Variants in SESN3 observed in about 807,000 individuals in gnomAD.
The protein encoded by SESN3 is sestrin-3.
A neutral mutation model predicts 55.3 loss-of-function variants in SESN3; 21 were observed. That is an observed-to-expected ratio of 0.38 (90% confidence interval 0.27 to 0.55). The LOEUF is 0.55. Ranked by LOEUF, SESN3 falls within the 20% of genes least tolerant of loss-of-function variation. The probability of loss-of-function intolerance (pLI) is 0.76; values close to 1 mark genes in which losing one functional copy is unlikely to be tolerated. For missense variants in SESN3, 408 were observed against 604.3 expected (o/e 0.68, Z 3.41); for synonymous variants, 181 against 203.1 (o/e 0.89, Z 0.93).
intron 3 of SESN3, 86 bp downstream of exon 3, chr11:95,191,318 C>A: frequency 9.8e-7 from 1 of 1,020,352 alleles, no homozygotes. Context: ...TAGCTCTATA[C>A]ACACACAAGG....
Position 95,166,383 on chromosome 11 carries a change from C to A in SESN3, c.*6872G>T, listed in dbSNP as rs1591036828. 1 of 151,982 alleles carries A rather than the reference C, an allele frequency of 6.6e-6. No individual in the cohort carries two copies. Among genetic ancestry groups the A allele is most frequent in the Admixed American group, 6.6e-5 (1 of 15,248 alleles). The allele number at this position is 151,982 out of a possible 1,614,324, so 9.4% of individuals were successfully genotyped here. A position where few individuals can be genotyped will look rare whatever the true frequency, so the allele number is the denominator to read the frequency against. Reference sequence around the variant, plus strand: ...CGCAAATGATAATTCTGTATTAATACTGATGAATTAAAGAGCTATAACAGA... The same window carrying A: ...CGCAAATGATAATTCTGTATTAATAATGATGAATTAAAGAGCTATAACAGA... On this transcript the variant is annotated 3_prime_UTR_variant, in exon 10 of 10. Coordinates refer to ENST00000536441, the MANE Select transcript of SESN3 (RefSeq NM_144665.4).
rs941433099 is a variant in SESN3, at chr11:95,230,889, G to A, written c.-29C>T. ...GGCTGCGGGCGCCGAGGCGAGAGCG[G>A]GCGGAGGGCCGGGTCCGGGCTGTCA... On this transcript the variant is annotated 5_prime_UTR_variant, in exon 1 of 10. Transcript: ENST00000536441. The surrounding 1 kb of genome is among the most constrained non-coding windows in gnomAD (Gnocchi z 4.6). 4 of 1,522,290 alleles carry A rather than the reference G, an allele frequency of 2.6e-6. No homozygotes were observed. The highest frequency in any genetic ancestry group is 5.0e-5 in the East Asian group (2 of 39,678). The allele number at this position is 1,522,290 out of a possible 1,614,324, so 94.3% of individuals were successfully genotyped here.
Position 95,230,728 on chromosome 11 carries a change from G to A in SESN3, c.78+55C>T. ...GCGCGCCCGGGGACGAGCCGCCCGA[G>A]CCCCGGCCGGCAGGAAGCGACCCTC... On this transcript the variant is annotated intron_variant, in intron 1 of 9. Transcript: ENST00000536441. This position sits in a 1 kb window ranked among gnomAD's most constrained non-coding sequence, Gnocchi z 4.6. 4.3e-6 allele frequency: 6 copies of A among 1,403,970 alleles called. 1 individual carries two copies. The highest frequency in any genetic ancestry group is 3.5e-5 in the South Asian group (3 of 84,580). The allele number at this position is 1,403,970 out of a possible 1,614,324, so 87.0% of individuals were successfully genotyped here.
At chr11:95,181,087 A>G (rs1860050670) in intron 6 of SESN3, among the ~76,000 whole-genome samples, 1 of 152,112 alleles carries the variant, frequency 6.6e-6, no homozygotes, top group Non-Finnish European at 1.5e-5. Context: ...TAAACTCTAT[A>G]AAACAGTCTC....
chr11:95,188,084 A>G (rs183391531), intron 4 of SESN3, among the ~76,000 whole-genome samples: 116 of 151,744 alleles, frequency 7.6e-4, no homozygotes, highest in African/African-American at 2.4e-3. Flanking sequence ...AGTCTGTACA[A>G]TCTGTAATTT....
chr11:95,207,981 G>C (rs1195590611), intron 1 of SESN3, among the ~76,000 whole-genome samples: 1 of 150,902 alleles, frequency 6.6e-6, no homozygotes, highest in Non-Finnish European at 1.5e-5. Flanking sequence ...GCTAATTTAT[G>C]TTCTTCATAA....
rs1859872551 is a variant in SESN3, at chr11:95,172,683, CAAAT to C, written c.*568_*571del. 1.3e-5 allele frequency: 2 copies of C among 151,990 alleles called. No homozygotes were observed. Among genetic ancestry groups the C allele is most frequent in the Non-Finnish European group, 2.9e-5 (2 of 67,976 alleles). 9.4% of individuals were successfully genotyped at this position (151,990 alleles called of 1,614,324 possible). A position where few individuals can be genotyped will look rare whatever the true frequency, so the allele number is the denominator to read the frequency against. ...AAACAACAATAAATGAACAAACAAACAAATAAAAAACAGTGCCTGACAAATAATC... is the reference window on the plus strand; with the variant it reads ...AAACAACAATAAATGAACAAACAAACAAAAAACAGTGCCTGACAAATAATC... On this transcript the variant is annotated 3_prime_UTR_variant, in exon 10 of 10. Transcript: ENST00000536441.
chr11:95,208,437 AAAAG>A (rs1387398862), intron 1 of SESN3, among the ~76,000 whole-genome samples: 1 of 151,528 alleles, frequency 6.6e-6, no homozygotes, highest in Non-Finnish European at 1.5e-5. Flanking sequence ...ATTTTTTTCT[AAAAG>A]AAGAGCTGCA....
rs758311619 is a variant in SESN3 at position 95,177,942 on chromosome 11, G to A, written c.1057-33C>T. ...AATAAAATGTATTTAATTACAAAGT[G>A]GGCATTTTCCATCTAAATTCTATGT... On this transcript the variant is annotated intron_variant, in intron 7 of 9. Coordinates refer to ENST00000536441, the MANE Select transcript of SESN3 (RefSeq NM_144665.4). 24 of 1,410,786 alleles carry A rather than the reference G, an allele frequency of 1.7e-5. No individual in the cohort carries two copies. The Admixed American group carries it at 5.0e-4, about 29-fold the overall frequency. 87.4% of individuals were successfully genotyped at this position (1,410,786 alleles called of 1,614,324 possible).
At position 95,172,175 on chromosome 11, in the gene SESN3, T is replaced by C. The variant is rs1176251353; in HGVS notation, c.*1080A>G. The C allele has an allele frequency of 6.6e-6, 1 of 152,166 alleles. No individual in the cohort carries two copies. The highest frequency in any genetic ancestry group is 2.4e-5 in the African/African-American group (1 of 41,450). The allele number at this position is 152,166 out of a possible 1,614,324, so 9.4% of individuals were successfully genotyped here. The stretch of plus-strand genomic sequence containing the variant: ...AACATATTGCACTCTGTTTTTGTAG[T>C]TCAATCACATTAATGCATAGAAACA... On this transcript the variant is annotated 3_prime_UTR_variant, in exon 10 of 10. Coordinates refer to ENST00000536441, the MANE Select transcript of SESN3 (RefSeq NM_144665.4).
rs1015738066 is a variant in SESN3, at chr11:95,191,537, C to T, written c.209G>A (p.Gly70Asp). Residue 70 changes from glycine (G) to aspartate (D), a missense_variant, in exon 3 of 10, where the codon GGT becomes GAT. Transcript: ENST00000536441. Reference sequence around the variant, plus strand: ...GACCTGTGTGATGTTGTCCAGACGACCGGATGTAGAGTATTCTTCCACAAG... The same window carrying T: ...GACCTGTGTGATGTTGTCCAGACGATCGGATGTAGAGTATTCTTCCACAAG... The part of the protein sequence containing the change: ...NFLVEEYSTS[G>D]RLDNITQVMS... 2 of 1,612,916 alleles carry T rather than the reference C, an allele frequency of 1.2e-6. No individual in the cohort carries two copies. Among genetic ancestry groups the T allele is most frequent in the Non-Finnish European group, 1.7e-6 (2 of 1,179,262 alleles).
intron 1 of SESN3, among the ~76,000 whole-genome samples, chr11:95,214,032 T>C (rs1002394496): frequency 2.0e-5 from 3 of 152,220 alleles, no homozygotes; most frequent in Non-Finnish European, 4.4e-5. Flanking sequence ...ACTGCTATTT[T>C]AGACCATGAA....
intron 1 of SESN3, among the ~76,000 whole-genome samples, chr11:95,228,597 T>C (rs970643483): frequency 1.3e-5 from 2 of 152,210 alleles, no homozygotes; most frequent in African/African-American, 4.8e-5. Flanking sequence ...ATGAAACATT[T>C]AAAATGCTAC....
At position 95,172,012 on chromosome 11, in the gene SESN3, A is replaced by G. The variant is rs997280724; in HGVS notation, c.*1243T>C. 6.6e-6 allele frequency: 1 copy of G among 152,188 alleles called. No individual in the cohort carries two copies. Among genetic ancestry groups the G allele is most frequent in the African/African-American group, 2.4e-5 (1 of 41,456 alleles). The allele number at this position is 152,188 out of a possible 1,614,324, so 9.4% of individuals were successfully genotyped here. A position where few individuals can be genotyped will look rare whatever the true frequency, so the allele number is the denominator to read the frequency against. On this transcript the variant is annotated 3_prime_UTR_variant, in exon 10 of 10. Coordinates refer to ENST00000536441, the MANE Select transcript of SESN3 (RefSeq NM_144665.4). ...AATGCTTTGGCATTATGAAAGGAAC[A>G]TTGTTCAATCCCAGAAAGGTAAAAC...
At chr11:95,186,778 TATC>T (rs1389367028) in intron 4 of SESN3, among the ~76,000 whole-genome samples, 3 of 151,830 alleles carry the variant, frequency 2.0e-5, no homozygotes, top group Admixed American at 6.6e-5. Flanking sequence ...AAGACAAAAA[TATC>T]ATTATTATAA....
At chr11:95,194,582 C>T (rs1323682420) in intron 1 of SESN3, among the ~76,000 whole-genome samples, 3 of 151,950 alleles carry the variant, frequency 2.0e-5, no homozygotes, top group Non-Finnish European at 4.4e-5. Context: ...ATACTCTTAA[C>T]CTGGTAAAGT....
chr11:95,184,407 T>C lies in SESN3; in HGVS notation c.937+13A>G, dbSNP rs752677283. 1 of 1,612,832 alleles carries C rather than the reference T, an allele frequency of 6.2e-7. No homozygotes were observed. Among genetic ancestry groups the C allele is most frequent in the Non-Finnish European group, 8.5e-7 (1 of 1,179,524 alleles). ...TAAGAACAACTAAAAGGCAAAAAAG[T>C]GCAAAAAAGCACCTGAATGAGGAAA... On this transcript the variant is annotated intron_variant, in intron 6 of 9. Coordinates refer to ENST00000536441, the MANE Select transcript of SESN3 (RefSeq NM_144665.4).
chr11:95,224,321 T>A, intron 1 of SESN3: 1 of 303,810 alleles, frequency 3.3e-6, no homozygotes, highest in Non-Finnish European at 6.5e-6. Context: ...GCGGTTTAAA[T>A]GGATTTTACC....
In SESN3 at chr11:95,172,058, A is replaced by T. The variant is rs1859860519; in HGVS notation, c.*1197T>A. The T allele has an allele frequency of 6.6e-6, 1 of 152,148 alleles. No homozygotes were observed. The highest frequency in any genetic ancestry group is 2.4e-5 in the African/African-American group (1 of 41,430). 9.4% of individuals were successfully genotyped at this position (152,148 alleles called of 1,614,324 possible). On this transcript the variant is annotated 3_prime_UTR_variant, in exon 10 of 10. Coordinates refer to ENST00000536441, the MANE Select transcript of SESN3 (RefSeq NM_144665.4). Reference sequence around the variant, plus strand: ...AAAACTGAAAAAAGCCTGTGCAATAAAGAAATTTGAAAAAAATTTCTTTAT... The same window carrying T: ...AAAACTGAAAAAAGCCTGTGCAATATAGAAATTTGAAAAAAATTTCTTTAT...
Sources: allele counts gnomAD v4.1 joint callset (sites outside exome capture counted in the v4.1 genomes callset), GRCh38; gene constraint gnomAD v4.1.1; non-coding constraint Gnocchi (gnomAD v3.1); transcripts MANE v1.5; gene names NCBI Gene and HGNC (gene_info 2026-07-23, HGNC 2026-07-21).